SCFD2: variants seen among roughly 807,000 people sequenced by gnomAD.
SCFD2 encodes sec1 family domain containing 2.
A neutral mutation model predicts 58.9 loss-of-function variants in SCFD2; 54 were observed. That is an observed-to-expected ratio of 0.92 (90% CI 0.74 to 1.15). The LOEUF is 1.15. Ranked by LOEUF, SCFD2 falls within the 50% of genes most tolerant of loss-of-function variation. The pLI, the probability that SCFD2 is intolerant of heterozygous loss-of-function variation, is 0.00. For missense variants in SCFD2, 805 were observed against 836.6 expected (o/e 0.96, Z 0.47); for synonymous variants, 321 against 335.9 (o/e 0.96, Z 0.49).
chr4:52,983,751 T>C (rs992214958), intron 5 of SCFD2, among the ~76,000 whole-genome samples: 7 of 152,160 alleles, frequency 4.6e-5, no homozygotes, highest in Non-Finnish European at 8.8e-5. Context: ...ATGAAAATGG[T>C]GCCCTCTGCT....
chr4:53,104,682 C>T (rs1012090344), intron 5 of SCFD2, among the ~76,000 whole-genome samples: 8 of 152,152 alleles, frequency 5.3e-5, no homozygotes, highest in Non-Finnish European at 1.0e-4. Flanking sequence ...TTATTCTGTA[C>T]ATCTAAAACC....
At chr4:53,074,726 T>A (rs1723921104) in intron 5 of SCFD2, among the ~76,000 whole-genome samples, 1 of 152,114 alleles carries the variant, frequency 6.6e-6, no homozygotes, top group Non-Finnish European at 1.5e-5. Context: ...AAAGGAACTT[T>A]TTTTTCTGAG....
chr4:53,261,113 CTTCTT>C (rs1730815816), intron 4 of SCFD2, among the ~76,000 whole-genome samples: 1 of 152,052 alleles, frequency 6.6e-6, no homozygotes, highest in South Asian at 2.1e-4. Context: ...GATCGTCTTT[CTTCTT>C]TTCTTGGTTA....
intron 5 of SCFD2, among the ~76,000 whole-genome samples, chr4:53,067,741 A>C (rs1260547630): frequency 6.6e-6 from 1 of 152,032 alleles, no homozygotes; most frequent in Non-Finnish European, 1.5e-5. Context: ...GAGTCAATTA[A>C]ACCTCTTTTG....
intron 4 of SCFD2, among the ~76,000 whole-genome samples, chr4:53,225,605 G>A (rs1729187153): frequency 6.6e-6 from 1 of 152,108 alleles, no homozygotes; most frequent in South Asian, 2.1e-4. Flanking sequence ...GCTAAAATTT[G>A]TTGTGTTTTC....
chr4:53,272,711 G>T (rs538603072), intron 4 of SCFD2, among the ~76,000 whole-genome samples: 1 of 152,078 alleles, frequency 6.6e-6, no homozygotes, highest in South Asian at 2.1e-4. Context: ...TGGGGTGGGG[G>T]GAAGGGGAGA....
At chr4:53,288,629 T>G (rs557453734) in intron 3 of SCFD2, among the ~76,000 whole-genome samples, 2 of 152,254 alleles carry the variant, frequency 1.3e-5, no homozygotes, top group South Asian at 2.1e-4. Flanking sequence ...ACAAAACCGT[T>G]AGTGAAGAAT....
At chr4:53,274,719 C>T (rs1270975565) in intron 3 of SCFD2, among the ~76,000 whole-genome samples, 1 of 152,170 alleles carries the variant, frequency 6.6e-6, no homozygotes, top group African/African-American at 2.4e-5. Context: ...TCCTTCAGAG[C>T]CCCTAACTCC....
At chr4:53,099,409 T>G (rs1429924446) in intron 5 of SCFD2, among the ~76,000 whole-genome samples, 1 of 152,204 alleles carries the variant, frequency 6.6e-6, no homozygotes, top group Non-Finnish European at 1.5e-5. Context: ...GTAGTAATCT[T>G]TTGAGGGCAT....
At chr4:53,217,554 T>C (rs936097351) in intron 4 of SCFD2, among the ~76,000 whole-genome samples, 7 of 152,182 alleles carry the variant, frequency 4.6e-5, no homozygotes, top group Non-Finnish European at 1.0e-4. Context: ...GTGAGATGGG[T>C]CTTGTGAATA....
At chr4:53,003,885 G>A (rs997982279) in intron 5 of SCFD2, among the ~76,000 whole-genome samples, 3 of 152,192 alleles carry the variant, frequency 2.0e-5, no homozygotes, top group African/African-American at 7.2e-5. Flanking sequence ...AAATGTAGGG[G>A]AAGACGAAAA....
intron 5 of SCFD2, among the ~76,000 whole-genome samples, chr4:53,104,402 T>C (rs1331923579): frequency 6.6e-6 from 1 of 152,152 alleles, no homozygotes; most frequent in African/African-American, 2.4e-5. Context: ...CTCAATACTG[T>C]CATGGTCACC....
At chr4:53,168,284 T>C (rs1727075493) in intron 4 of SCFD2, among the ~76,000 whole-genome samples, 1 of 152,202 alleles carries the variant, frequency 6.6e-6, no homozygotes, top group African/African-American at 2.4e-5. Flanking sequence ...CAGTGGCAGA[T>C]TGGTAGTGTC....
At chr4:53,332,762 A>T (rs1483038589) in intron 2 of SCFD2, among the ~76,000 whole-genome samples, 1 of 151,858 alleles carries the variant, frequency 6.6e-6, no homozygotes, top group Non-Finnish European at 1.5e-5. Context: ...ATTAGGCAGG[A>T]GAAGGAAATA....
At chr4:53,224,294 TAGG>T (rs1729134932) in intron 4 of SCFD2, among the ~76,000 whole-genome samples, 1 of 149,476 alleles carries the variant, frequency 6.7e-6, no homozygotes, top group Admixed American at 6.7e-5. Context: ...GAGGCTAAGG[TAGG>T]AGGATCGCTT....
intron 5 of SCFD2, among the ~76,000 whole-genome samples, chr4:52,978,280 C>T (rs746678278): frequency 6.6e-6 from 1 of 152,126 alleles, no homozygotes; most frequent in Non-Finnish European, 1.5e-5. Flanking sequence ...GGACTGTGCT[C>T]GCAGGTCTAA....
At chr4:53,289,549 TAAGAG>T (rs995105809) in intron 3 of SCFD2, among the ~76,000 whole-genome samples, 1 of 151,534 alleles carries the variant, frequency 6.6e-6, no homozygotes, top group African/African-American at 2.4e-5. Context: ...AAGCAAACAA[TAAGAG>T]AAGAGAGGAA....
chr4:53,363,574 C>T (rs1293884750), intron 1 of SCFD2, among the ~76,000 whole-genome samples: 1 of 152,042 alleles, frequency 6.6e-6, no homozygotes, highest in African/African-American at 2.4e-5. Context: ...TGGCTCACGC[C>T]TGTAATCCCA....
chr4:53,340,961 A>G (rs1295313009), intron 2 of SCFD2, among the ~76,000 whole-genome samples: 1 of 152,206 alleles, frequency 6.6e-6, no homozygotes, highest in East Asian at 1.9e-4. Context: ...CCCATTGTAC[A>G]TCACCATCAT....
Sources: allele counts gnomAD v4.1 joint callset (sites outside exome capture counted in the v4.1 genomes callset), GRCh38; gene constraint gnomAD v4.1.1; transcripts MANE v1.5; gene names NCBI Gene and HGNC (gene_info 2026-07-23, HGNC 2026-07-21).